EIF2B3: variants seen among roughly 807,000 people sequenced by gnomAD.
The protein encoded by EIF2B3 is translation initiation factor eIF2B subunit gamma.
In EIF2B3, 20 loss-of-function variants were observed where a neutral mutation model predicts 54.1. That is an observed-to-expected ratio of 0.37 (90% CI 0.26 to 0.54). The LOEUF is 0.54. Ranked by LOEUF, EIF2B3 falls within the 20% of genes least tolerant of loss-of-function variation. EIF2B3 has a pLI of 0.86. For missense variants in EIF2B3, 448 were observed against 547.8 expected, an observed-to-expected ratio of 0.82 and a Z score of 1.82; for synonymous variants, 153 against 188.1, an observed-to-expected ratio of 0.81 and a Z score of 1.52.
intron 5 of EIF2B3, among the ~76,000 whole-genome samples, chr1:44,918,072 CTTTTT>C (rs3074632): frequency 0.15 from 12,936 of 87,726 alleles, 418 homozygotes; most frequent in Non-Finnish European, 0.17. Context: ...TGTGCCCAGC[CTTTTT>C]TTTTTTTTTT....
At chr1:44,891,557 G>C (rs1655798277) in intron 6 of EIF2B3, among the ~76,000 whole-genome samples, 1 of 152,164 alleles carries the variant, frequency 6.6e-6, no homozygotes, top group South Asian at 2.1e-4. Flanking sequence ...TAATGCTCAG[G>C]ATAGTGATTA....
intron 10 of EIF2B3, among the ~76,000 whole-genome samples, chr1:44,867,943 T>A (rs1229343626): frequency 6.8e-6 from 1 of 146,166 alleles, no homozygotes; most frequent in Non-Finnish European, 1.5e-5. Context: ...GAGGCTGAAG[T>A]GGGAAAATCA....
intron 1 of EIF2B3, among the ~76,000 whole-genome samples, chr1:44,983,477 T>G (rs1361822124): frequency 6.6e-6 from 1 of 152,212 alleles, no homozygotes; most frequent in Non-Finnish European, 1.5e-5. Flanking sequence ...TCATGTAGAT[T>G]CTAGCAAGCA....
rs1340388505 is a variant in EIF2B3, at chr1:44,942,408, T to C, written c.295-743A>G. On this transcript the variant is annotated intron_variant, in intron 3 of 11. Coordinates refer to ENST00000360403, the MANE Select transcript of EIF2B3 (RefSeq NM_020365.5). ...ATATATATATATATATATATATATA[T>C]ATATATATATTTTTTTTTTTTTTTT... is the stretch of plus-strand genomic sequence containing the variant. Among the ~76,000 whole-genome samples the C allele has an allele frequency of 6.8e-4, 14 of 20,526 alleles. 1 individual carries two copies. Among genetic ancestry groups the C allele is most frequent in the Non-Finnish European group, 1.1e-3 (12 of 10,922 alleles). 13.5% of individuals were successfully genotyped at this position (20,526 alleles called of 152,430 possible). A position where few individuals can be genotyped will look rare whatever the true frequency, so the allele number is the denominator to read the frequency against.
Position 44,981,052 on chromosome 1 carries a change from T to TC in EIF2B3, c.116_117insG (p.Leu40IlefsTer5). 6.2e-7 allele frequency: 1 copy of TC among 1,613,732 alleles called. No homozygotes were observed. The highest frequency in any genetic ancestry group is 8.5e-7 in the Non-Finnish European group (1 of 1,180,018). On this transcript the variant is annotated frameshift_variant, in exon 2 of 12. Transcript: ENST00000360403. LOFTEE classifies it high-confidence loss of function. ...ATCCAACACGCTCAAGCAGGTTCAA[T>TC]GGGTACCAAATTAAAGGTTTGTTCC...
intron 5 of EIF2B3, among the ~76,000 whole-genome samples, chr1:44,913,501 G>GA (rs112520282): frequency 0.23 from 32,830 of 143,580 alleles, 4,106 homozygotes; most frequent in African/African-American, 0.36. Context: ...TGTTTTAATG[G>GA]AAAAAAAAAA....
intron 5 of EIF2B3, among the ~76,000 whole-genome samples, chr1:44,916,581 G>T (rs1643627530): frequency 6.7e-6 from 1 of 148,632 alleles, no homozygotes; most frequent in Admixed American, 6.7e-5. Context: ...AGCACTTTGG[G>T]AGGCCAAGGT....
chr1:44,972,623 TACACACACACACACAC>T (rs1202472645), intron 3 of EIF2B3: 2 of 141,576 alleles, frequency 1.4e-5, no homozygotes, highest in Admixed American at 1.4e-4. Context: ...AATAAATAAA[TACACACACACACACAC>T]ACACACACAC....
intron 3 of EIF2B3, chr1:44,958,594 A>G: frequency 6.8e-7 from 1 of 1,462,710 alleles, no homozygotes; most frequent in Non-Finnish European, 9.5e-7. Flanking sequence ...TGTAATTATC[A>G]AAAGTGTGGC....
chr1:44,852,394 G>C (rs1336205720), intron 11 of EIF2B3, among the ~76,000 whole-genome samples: 2 of 151,972 alleles, frequency 1.3e-5, no homozygotes, highest in African/African-American at 4.8e-5. Flanking sequence ...CTTCCCTTTT[G>C]CACTGTCCAT....
intron 10 of EIF2B3, among the ~76,000 whole-genome samples, chr1:44,863,845 G>A (rs1433906950): frequency 2.6e-5 from 4 of 152,058 alleles, no homozygotes; most frequent in Admixed American, 6.6e-5. Context: ...CATCATATTT[G>A]TGATTTATCC....
At chr1:44,910,944 T>G (rs1377098834) in intron 5 of EIF2B3, among the ~76,000 whole-genome samples, 3 of 152,072 alleles carry the variant, frequency 2.0e-5, no homozygotes, top group South Asian at 4.2e-4. Flanking sequence ...GGCGCACCCA[T>G]CTCCTGAGCA....
chr1:44,943,831 T>C (rs141000783), intron 3 of EIF2B3, among the ~76,000 whole-genome samples: 184 of 152,314 alleles, frequency 1.2e-3, no homozygotes, highest in African/African-American at 4.2e-3. Context: ...AAAGAATCTG[T>C]ATTACTGAAT....
At chr1:44,958,776 G>T in intron 3 of EIF2B3, 1 of 1,481,194 alleles carries the variant, frequency 6.8e-7, no homozygotes, top group Non-Finnish European at 9.4e-7. Flanking sequence ...GAAATATAAA[G>T]CTATGGTATT....
At chr1:44,906,268 G>C (rs1643408900) in intron 5 of EIF2B3, among the ~76,000 whole-genome samples, 1 of 152,156 alleles carries the variant, frequency 6.6e-6, no homozygotes, top group African/African-American at 2.4e-5. Flanking sequence ...ATTATCCCAA[G>C]TACACAAGCA....
chr1:44,856,954 G>C (rs1017233552), intron 11 of EIF2B3, among the ~76,000 whole-genome samples: 12 of 152,198 alleles, frequency 7.9e-5, no homozygotes, highest in African/African-American at 2.4e-4. Context: ...ACACGTGTGT[G>C]CCACTGTGCC....
intron 6 of EIF2B3, among the ~76,000 whole-genome samples, chr1:44,885,456 G>A (rs6703452): frequency 0.18 from 27,248 of 152,022 alleles, 2,700 homozygotes; most frequent in Admixed American, 0.28. Context: ...AATGGGAGTC[G>A]GAGTATAAAC....
chr1:44,883,480 C>T (rs755533207), intron 6 of EIF2B3, among the ~76,000 whole-genome samples: 10 of 152,078 alleles, frequency 6.6e-5, no homozygotes, highest in Non-Finnish European at 1.3e-4. Flanking sequence ...TTTTGCATTT[C>T]TGATGACTGG....
intron 11 of EIF2B3, among the ~76,000 whole-genome samples, chr1:44,853,729 A>G (rs1654348358): frequency 6.6e-6 from 1 of 152,218 alleles, no homozygotes; most frequent in Non-Finnish European, 1.5e-5. Context: ...GGGGAAAAAT[A>G]CAAGGGAGGA....
Sources: allele counts gnomAD v4.1 joint callset (sites outside exome capture counted in the v4.1 genomes callset), GRCh38; gene constraint gnomAD v4.1.1; transcripts MANE v1.5; gene names NCBI Gene and HGNC (gene_info 2026-07-23, HGNC 2026-07-21).